RSU1: variants seen among roughly 807,000 people sequenced by gnomAD.
RSU1 encodes the protein Ras suppressor protein 1, also known as rsu-1.
RSU1 carries 26 observed loss-of-function variants against 31.1 expected under a neutral mutation model. The ratio of observed to expected loss-of-function variants is 0.84; its 90% CI spans 0.61 to 1.16. The LOEUF (loss-of-function observed/expected upper bound fraction) is 1.16, where lower values mean the gene tolerates loss of function less well. Among genes scored for constraint, RSU1 ranks in the 50% most tolerant of loss-of-function variants. RSU1 has a pLI of 0.00. For missense variants in RSU1, 320 were observed against 339.1 expected (o/e 0.94, Z 0.44); for synonymous variants, 164 against 136.3 (o/e 1.20, Z -1.41).
At chr10:16,648,821 C>G (rs1834626629) in intron 8 of RSU1, among the ~76,000 whole-genome samples, 1 of 150,778 alleles carries the variant, frequency 6.6e-6, no homozygotes. Flanking sequence ...AATAGCTTTG[C>G]TTTACTATTA....
chr10:16,614,146 T>C (rs955824598), intron 8 of RSU1, among the ~76,000 whole-genome samples: 1 of 152,224 alleles, frequency 6.6e-6, no homozygotes, highest in African/African-American at 2.4e-5. Flanking sequence ...CCGTACTTAA[T>C]GGAAATAATC....
At chr10:16,710,655 A>AT (rs1049845893) in intron 7 of RSU1, among the ~76,000 whole-genome samples, 12 of 152,038 alleles carry the variant, frequency 7.9e-5, no homozygotes, top group African/African-American at 2.9e-4. Context: ...TTGATGAAAC[A>AT]TTTTTTTTAA....
intron 8 of RSU1, among the ~76,000 whole-genome samples, chr10:16,661,449 T>C (rs1834889648): frequency 6.6e-6 from 1 of 152,100 alleles, no homozygotes; most frequent in South Asian, 2.1e-4. Context: ...TTCCACCAAT[T>C]TGGAAACAAA....
At chr10:16,599,106 T>C (rs1262587784) in intron 8 of RSU1, among the ~76,000 whole-genome samples, 1 of 152,192 alleles carries the variant, frequency 6.6e-6, no homozygotes, top group Non-Finnish European at 1.5e-5. Flanking sequence ...GCTTGTGTTT[T>C]GCATGTACCT....
chr10:16,656,102 T>C (rs1392053461), intron 8 of RSU1, among the ~76,000 whole-genome samples: 1 of 152,146 alleles, frequency 6.6e-6, no homozygotes, highest in Non-Finnish European at 1.5e-5. Context: ...AAAAAATAAA[T>C]TAGGTTGCAC....
intron 4 of RSU1, among the ~76,000 whole-genome samples, chr10:16,763,336 T>C (rs763580178): frequency 3.9e-5 from 6 of 152,074 alleles, no homozygotes; most frequent in Non-Finnish European, 8.8e-5. Flanking sequence ...AGCAGCTGCT[T>C]GTGGGGAAGT....
At chr10:16,809,247 C>A (rs1442097923) in intron 2 of RSU1, among the ~76,000 whole-genome samples, 2 of 152,164 alleles carry the variant, frequency 1.3e-5, no homozygotes. Context: ...ATGCTCTGAT[C>A]AGCACTTCTC....
chr10:16,670,994 G>C (rs1191758381), intron 8 of RSU1, among the ~76,000 whole-genome samples: 1 of 152,138 alleles, frequency 6.6e-6, no homozygotes, highest in Non-Finnish European at 1.5e-5. Flanking sequence ...TTGAACTCCT[G>C]ACCTCAGGTG....
At chr10:16,596,232 G>A (rs1037358910) in intron 8 of RSU1, among the ~76,000 whole-genome samples, 6 of 152,138 alleles carry the variant, frequency 3.9e-5, no homozygotes, top group Non-Finnish European at 8.8e-5. Context: ...TACCTTACAT[G>A]ACAAAAGGGG....
intron 3 of RSU1, among the ~76,000 whole-genome samples, chr10:16,770,134 C>A (rs571957402): frequency 6.6e-6 from 1 of 151,996 alleles, no homozygotes. Flanking sequence ...GACAGATCGG[C>A]TTGGGTGCAG....
intron 2 of RSU1, among the ~76,000 whole-genome samples, chr10:16,799,848 G>GGA (rs1273696344): frequency 6.6e-6 from 1 of 152,128 alleles, no homozygotes; most frequent in African/African-American, 2.4e-5. Context: ...GGCGGGGAGG[G>GGA]GATGCGGGGA....
At chr10:16,608,847 C>T (rs182592876) in intron 8 of RSU1, among the ~76,000 whole-genome samples, 200 of 152,242 alleles carry the variant, frequency 1.3e-3, no homozygotes, top group Non-Finnish European at 2.0e-3. Flanking sequence ...TCATCCATTT[C>T]CTCCTAGTTT....
chr10:16,731,109 C>A (rs1251663388), intron 7 of RSU1, among the ~76,000 whole-genome samples: 1 of 152,088 alleles, frequency 6.6e-6, no homozygotes. Context: ...CCATGGCACC[C>A]GGCCTTGTAA....
intron 8 of RSU1, among the ~76,000 whole-genome samples, chr10:16,694,799 ACTCCTGGGCTCAAG>A (rs964013194): frequency 2.0e-5 from 3 of 151,338 alleles, no homozygotes; most frequent in Non-Finnish European, 4.4e-5. Context: ...CTGGTCTCAA[ACTCCTGGGCTCAAG>A]CAATCCTCTA....
intron 8 of RSU1, among the ~76,000 whole-genome samples, chr10:16,647,259 A>C (rs1834589743): frequency 6.6e-6 from 1 of 152,186 alleles, no homozygotes; most frequent in African/African-American, 2.4e-5. Context: ...GGTGTGAGCC[A>C]CCGCGCCCAG....
At chr10:16,606,735 A>C (rs1246641485) in intron 8 of RSU1, among the ~76,000 whole-genome samples, 1 of 152,226 alleles carries the variant, frequency 6.6e-6, no homozygotes, top group Non-Finnish European at 1.5e-5. Flanking sequence ...GTGACATTAC[A>C]CAGATCTGGT....
chr10:16,704,165 T>G (rs1171242920), intron 7 of RSU1, among the ~76,000 whole-genome samples: 3 of 152,140 alleles, frequency 2.0e-5, no homozygotes, highest in Non-Finnish European at 2.9e-5. Flanking sequence ...GAAAAAGAAA[T>G]CTGAATTTTT....
chr10:16,663,249 G>A (rs114562304), intron 8 of RSU1, among the ~76,000 whole-genome samples: 1,692 of 152,206 alleles, frequency 0.011, 30 homozygotes, highest in African/African-American at 0.038. Flanking sequence ...AGGGCCCTAC[G>A]TGCTCCTGTA....
chr10:16,606,032 C>G (rs1359465482), intron 8 of RSU1, among the ~76,000 whole-genome samples: 1 of 152,104 alleles, frequency 6.6e-6, no homozygotes, highest in East Asian at 1.9e-4. Flanking sequence ...GGATTACAGG[C>G]ACACCTTGCC....
Sources: allele counts gnomAD v4.1 joint callset (sites outside exome capture counted in the v4.1 genomes callset), GRCh38; gene constraint gnomAD v4.1.1; transcripts MANE v1.5; gene names NCBI Gene and HGNC (gene_info 2026-07-23, HGNC 2026-07-21).